The following BCKDHB variants were observed in gnomAD, a reference collection of about 807,000 sequenced individuals.
The protein encoded by BCKDHB is 2-oxoisovalerate dehydrogenase subunit beta, mitochondrial.
In BCKDHB, 41 loss-of-function variants were observed where a neutral mutation model predicts 48.5. The observed-to-expected ratio is 0.85, with a 90% CI of 0.66 to 1.10. The LOEUF (loss-of-function observed/expected upper bound fraction) is 1.10. Ranked by LOEUF, BCKDHB falls within the 50% of genes least tolerant of loss-of-function variation. The pLI, the probability that BCKDHB is intolerant of heterozygous loss-of-function variation, is 0.00. For synonymous variants in BCKDHB, 201 were observed against 174.8 expected, an observed-to-expected ratio of 1.15 and a Z score of -1.18; for missense variants, 496 against 494.2, an observed-to-expected ratio of 1.00 and a Z score of -0.03.
upstream of BCKDHB, chr6:80,106,638 C>G: frequency 6.5e-7 from 1 of 1,528,190 alleles, no homozygotes. Flanking sequence ...GGTGCTCCGC[C>G]CTCCCCGCAG....
intron 6 of BCKDHB, among the ~76,000 whole-genome samples, chr6:80,173,641 T>A (rs1410967871): frequency 6.6e-5 from 10 of 152,292 alleles, no homozygotes; most frequent in African/African-American, 1.9e-4. Context: ...TGCGAAACAC[T>A]GCCTGAGGTC....
chr6:80,416,406 G>A, the BCKDHB span, among the ~76,000 whole-genome samples: 1 of 151,904 alleles, frequency 6.6e-6, no homozygotes, highest in South Asian at 2.1e-4. Context: ...ACATTTTGAT[G>A]TGGTCATATA....
the BCKDHB span, among the ~76,000 whole-genome samples, chr6:80,391,030 T>G: frequency 6.6e-6 from 1 of 152,056 alleles, no homozygotes; most frequent in Non-Finnish European, 1.5e-5. Flanking sequence ...CCTTGAACAT[T>G]GGACTCCAAG....
the BCKDHB span, among the ~76,000 whole-genome samples, chr6:80,425,241 G>GA: frequency 1.3e-5 from 2 of 151,900 alleles, no homozygotes; most frequent in African/African-American, 4.8e-5. Context: ...CACAGTTTTG[G>GA]AAAAAAAGAC....
the BCKDHB span, among the ~76,000 whole-genome samples, chr6:80,395,050 G>A: frequency 3.3e-5 from 5 of 152,176 alleles, no homozygotes; most frequent in Admixed American, 2.0e-4. Context: ...ATGTGGAACT[G>A]TGAATCAATT....
At chr6:80,199,309 T>C (rs1253891718) in intron 6 of BCKDHB, among the ~76,000 whole-genome samples, 1 of 152,172 alleles carries the variant, frequency 6.6e-6, no homozygotes. Context: ...TGGTTACTTC[T>C]GGACGGTGGA....
At chr6:80,292,474 G>T (rs1246378831) in intron 9 of BCKDHB, among the ~76,000 whole-genome samples, 2 of 152,212 alleles carry the variant, frequency 1.3e-5, no homozygotes, top group Non-Finnish European at 2.9e-5. Flanking sequence ...CACGTGAACA[G>T]CCTGGGGAAG....
chr6:80,267,943 A>G (rs1777582279), intron 8 of BCKDHB, among the ~76,000 whole-genome samples: 1 of 151,976 alleles, frequency 6.6e-6, no homozygotes, highest in Non-Finnish European at 1.5e-5. Flanking sequence ...CTTGGTTTAC[A>G]CTTTCCTACA....
intron 9 of BCKDHB, among the ~76,000 whole-genome samples, chr6:80,328,813 G>A (rs1769173762): frequency 6.6e-6 from 1 of 152,112 alleles, no homozygotes; most frequent in Non-Finnish European, 1.5e-5. Flanking sequence ...GAATGTCAAT[G>A]AGGGAGAAAG....
intron 9 of BCKDHB, among the ~76,000 whole-genome samples, chr6:80,333,881 CACTA>C (rs1391901465): frequency 1.3e-5 from 2 of 152,054 alleles, no homozygotes; most frequent in African/African-American, 4.8e-5. Context: ...AGATTCCAGT[CACTA>C]ACTACCTCTT....
chr6:80,426,306 T>TTTATTTTATTTAGCTTCA, the BCKDHB span, among the ~76,000 whole-genome samples: 2 of 152,160 alleles, frequency 1.3e-5, no homozygotes, highest in African/African-American at 4.8e-5. Flanking sequence ...CTTAGCTTCA[T>TTTATTTTATTTAGCTTCA]TTATTTTATT....
At chr6:80,300,786 C>G (rs1562214448) in intron 9 of BCKDHB, among the ~76,000 whole-genome samples, 1 of 152,136 alleles carries the variant, frequency 6.6e-6, no homozygotes, top group Non-Finnish European at 1.5e-5. Flanking sequence ...AATTTAAAAA[C>G]AAATGAAATC....
At chr6:80,218,493 A>AT (rs1775272546) in intron 8 of BCKDHB, among the ~76,000 whole-genome samples, 1 of 152,146 alleles carries the variant, frequency 6.6e-6, no homozygotes, top group Non-Finnish European at 1.5e-5. Flanking sequence ...TGATTTATAA[A>AT]TTTTAACATA....
At chr6:80,238,305 G>T (rs182524874) in intron 8 of BCKDHB, among the ~76,000 whole-genome samples, 2 of 152,248 alleles carry the variant, frequency 1.3e-5, no homozygotes, top group East Asian at 3.9e-4. Flanking sequence ...TGCCATGTTG[G>T]CTAGGCTTGT....
rs1329234446 is a variant in BCKDHB at position 80,332,703 on chromosome 6, T to C, written c.1039-10961T>C. On this transcript the variant is annotated intron_variant, in intron 9 of 9. Transcript: ENST00000320393. ...ACTCTGATGATTTTTTTTACCCTTATAGTAAAAAAAAAAAAAAAACACCTT... is the reference window on the plus strand; with the variant it reads ...ACTCTGATGATTTTTTTTACCCTTACAGTAAAAAAAAAAAAAAAACACCTT... Among the ~76,000 whole-genome samples, 29 of 62,474 alleles carry C rather than the reference T, an allele frequency of 4.6e-4. 1 individual carries two copies. In the East Asian group the frequency reaches 0.012, roughly 26 times the overall value. The allele number at this position is 62,474 out of a possible 152,430, so 41.0% of individuals were successfully genotyped here.
the BCKDHB span, among the ~76,000 whole-genome samples, chr6:80,366,446 C>T: frequency 7.2e-5 from 11 of 151,956 alleles, no homozygotes; most frequent in Admixed American, 1.3e-4. Flanking sequence ...TTCTCTTTAA[C>T]GGTGAGAGAA....
At chr6:80,203,485 G>T (rs759003250) in intron 8 of BCKDHB, among the ~76,000 whole-genome samples, 3 of 152,024 alleles carry the variant, frequency 2.0e-5, no homozygotes, top group Non-Finnish European at 4.4e-5. Context: ...GTTGAATTGT[G>T]TGAGTCATAG....
chr6:80,179,979 A>G lies in BCKDHB; in HGVS notation c.742+8589A>G, dbSNP rs77220592. Among the ~76,000 whole-genome samples the G allele has an allele frequency of 1.5e-4, 23 of 152,188 alleles. No homozygotes were observed. In the East Asian group the frequency reaches 4.1e-3, roughly 27 times the overall value. ...TCCTGTTGATCTCTCTGACTCCATC[A>G]TTTCTGGGCCTGATCTCTCTGACTC... On this transcript the variant is annotated intron_variant, in intron 6 of 9. Coordinates refer to ENST00000320393, the MANE Select transcript of BCKDHB (RefSeq NM_183050.4).
At chr6:80,120,602 C>G (rs571495374) in intron 1 of BCKDHB, among the ~76,000 whole-genome samples, 1 of 152,296 alleles carries the variant, frequency 6.6e-6, no homozygotes, top group Admixed American at 6.5e-5. Flanking sequence ...TTGCATTTCT[C>G]TGATGACCGG....
Sources: allele counts gnomAD v4.1 joint callset (sites outside exome capture counted in the v4.1 genomes callset), GRCh38; gene constraint gnomAD v4.1.1; transcripts MANE v1.5; gene names NCBI Gene and HGNC (gene_info 2026-07-23, HGNC 2026-07-21).